Variants in PDK1 observed in about 807,000 individuals in gnomAD.
PDK1 encodes [Pyruvate dehydrogenase (acetyl-transferring)] kinase isozyme 1, mitochondrial.
A neutral mutation model predicts 54.2 loss-of-function variants in PDK1; 39 were observed. That is an observed-to-expected ratio of 0.72 (90% CI 0.56 to 0.94). PDK1 has a LOEUF of 0.94. Among genes scored for constraint, PDK1 ranks in the 40% least tolerant of loss-of-function variants. PDK1 has a pLI of 0.00. For missense variants in PDK1, 552 were observed against 566.0 expected, an observed-to-expected ratio of 0.98 and a Z score of 0.25; for synonymous variants, 221 against 207.1, an observed-to-expected ratio of 1.07 and a Z score of -0.58.
At chr2:172,563,953 A>G in intron 3 of PDK1, 1 of 463,290 alleles carries the variant, frequency 2.2e-6, no homozygotes, top group Non-Finnish European at 4.5e-6. Flanking sequence ...ATAATTGTTT[A>G]CTTTTCCTCT....
At chr2:172,664,311 CAAAAAAAAA>C in the PDK1 span, among the ~76,000 whole-genome samples, 5 of 44,182 alleles carry the variant, frequency 1.1e-4, no homozygotes, top group South Asian at 5.9e-3. Flanking sequence ...AACTCTGCCT[CAAAAAAAAA>C]AAAAAAAAAA....
chr2:172,557,997 A>G (rs1574456946), intron 1 of PDK1, among the ~76,000 whole-genome samples: 3 of 151,464 alleles, frequency 2.0e-5, no homozygotes, highest in South Asian at 2.1e-4. Context: ...ACGCCCGGCT[A>G]TTTTTTATTT....
the PDK1 span, among the ~76,000 whole-genome samples, chr2:172,633,917 C>A: frequency 9.5e-6 from 1 of 105,674 alleles, no homozygotes; most frequent in East Asian, 3.1e-4. Flanking sequence ...GCTCTCTTGT[C>A]CAGACTGGAG....
At chr2:172,689,139 C>A in the PDK1 span, among the ~76,000 whole-genome samples, 1 of 152,074 alleles carries the variant, frequency 6.6e-6, no homozygotes, top group African/African-American at 2.4e-5. Flanking sequence ...TTTTACAGAG[C>A]GCTGATTGGT....
chr2:172,686,613 C>A, the PDK1 span, among the ~76,000 whole-genome samples: 27 of 152,152 alleles, frequency 1.8e-4, no homozygotes, highest in African/African-American at 6.5e-4. Flanking sequence ...CCTGCTTGGG[C>A]CACTTTTTAC....
chr2:172,603,652 G>C lies in PDK1; in HGVS notation c.*7683G>C, dbSNP rs1375873669. On this transcript the variant is annotated 3_prime_UTR_variant, in exon 11 of 11. Transcript: ENST00000282077. ...AGTGGTGGGGGGTAGATAGGACTTA[G>C]TGTGGCCCCTTAAAGAGCAAGGTCC... The C allele has an allele frequency of 6.6e-6, 1 of 152,224 alleles. No homozygotes were observed. The highest frequency in any genetic ancestry group is 1.5e-5 in the Non-Finnish European group (1 of 68,070). The allele number at this position is 152,224 out of a possible 1,614,324, so 9.4% of individuals were successfully genotyped here.
chr2:172,634,562 C>T, the PDK1 span, among the ~76,000 whole-genome samples: 1 of 152,020 alleles, frequency 6.6e-6, no homozygotes, highest in Admixed American at 6.6e-5. Context: ...CGTGAGCCAC[C>T]ATTTCCAGCC....
chr2:172,702,556 C>T, the PDK1 span, among the ~76,000 whole-genome samples: 1 of 149,568 alleles, frequency 6.7e-6, no homozygotes, highest in African/African-American at 2.4e-5. Flanking sequence ...CTCGCTTACC[C>T]CATTAATCTA....
chr2:172,621,642 T>C, the PDK1 span, among the ~76,000 whole-genome samples: 2 of 146,506 alleles, frequency 1.4e-5, no homozygotes, highest in Non-Finnish European at 3.0e-5. Context: ...TATGTTTATA[T>C]ATCATATATG....
chr2:172,636,263 G>A, the PDK1 span, among the ~76,000 whole-genome samples: 2 of 152,176 alleles, frequency 1.3e-5, no homozygotes, highest in Non-Finnish European at 2.9e-5. Context: ...GGCTGTACAG[G>A]AAGTATGGCA....
Position 172,596,905 on chromosome 2 carries a change from A to G in PDK1, c.*936A>G, listed in dbSNP as rs1690923568. On this transcript the variant is annotated 3_prime_UTR_variant, in exon 11 of 11. Transcript: ENST00000282077. The stretch of plus-strand genomic sequence containing the variant: ...CCTAGGTTGGGAACCACTCTTTCAA[A>G]GTAAACAGTGATGACACAGCATTTG... 6.6e-6 allele frequency: 1 copy of G among 152,230 alleles called. No individual in the cohort carries two copies. Among genetic ancestry groups the G allele is most frequent in the South Asian group, 2.1e-4 (1 of 4,830 alleles). The allele number at this position is 152,230 out of a possible 1,614,324, so 9.4% of individuals were successfully genotyped here.
chr2:172,619,688 G>T, the PDK1 span, among the ~76,000 whole-genome samples: 83 of 152,232 alleles, frequency 5.5e-4, no homozygotes, highest in African/African-American at 1.7e-3. Flanking sequence ...CAAGGATATT[G>T]ACAGGATCTG....
At chr2:172,642,432 G>A in the PDK1 span, among the ~76,000 whole-genome samples, 11 of 152,128 alleles carry the variant, frequency 7.2e-5, no homozygotes, top group Non-Finnish European at 1.3e-4. Context: ...CCCTAAGGCA[G>A]AGGTTTTCAA....
chr2:172,634,066 G>T, the PDK1 span, among the ~76,000 whole-genome samples: 2 of 150,268 alleles, frequency 1.3e-5, no homozygotes, highest in South Asian at 2.1e-4. Flanking sequence ...AGTAGAGATG[G>T]GGTTTCACTA....
chr2:172,655,537 C>T, the PDK1 span, among the ~76,000 whole-genome samples: 2 of 152,192 alleles, frequency 1.3e-5, no homozygotes, highest in African/African-American at 4.8e-5. Context: ...AAGTGCTAAG[C>T]CATATCTTCT....
the PDK1 span, among the ~76,000 whole-genome samples, chr2:172,658,311 C>T: frequency 6.6e-6 from 1 of 152,274 alleles, no homozygotes; most frequent in Admixed American, 6.5e-5. Context: ...TATCACTTCC[C>T]TGATAATACT....
upstream of PDK1, chr2:172,556,072 C>G: frequency 8.9e-7 from 1 of 1,117,618 alleles, no homozygotes; most frequent in Non-Finnish European, 1.2e-6. Flanking sequence ...CTGCTGCCCG[C>G]CACGTCCCTC....
chr2:172,645,724 T>G, the PDK1 span, among the ~76,000 whole-genome samples: 1 of 152,220 alleles, frequency 6.6e-6, no homozygotes, highest in East Asian at 1.9e-4. Flanking sequence ...ATCATAGCCA[T>G]AGAGACTGGA....
the PDK1 span, among the ~76,000 whole-genome samples, chr2:172,692,381 T>C: frequency 6.6e-6 from 1 of 152,222 alleles, no homozygotes; most frequent in African/African-American, 2.4e-5. Flanking sequence ...ATGTTTGTCA[T>C]GTATTTTCAA....
Sources: allele counts gnomAD v4.1 joint callset (sites outside exome capture counted in the v4.1 genomes callset), GRCh38; gene constraint gnomAD v4.1.1; transcripts MANE v1.5; gene names NCBI Gene and HGNC (gene_info 2026-07-23, HGNC 2026-07-21).